The following SNTG2 variants were observed in gnomAD, a reference collection of about 807,000 sequenced individuals.
The protein encoded by SNTG2 is gamma-2-syntrophin.
Under a neutral mutation model 70.9 loss-of-function variants are expected in SNTG2, and 74 were observed. That is an observed-to-expected ratio of 1.04 (90% CI 0.86 to 1.27). The LOEUF (loss-of-function observed/expected upper bound fraction) is 1.27. Among genes scored for constraint, SNTG2 ranks in the 50% most tolerant of loss-of-function variants. The pLI is 0.00. For synonymous variants in SNTG2, 278 were observed against 273.8 expected, an observed-to-expected ratio of 1.02 and a Z score of -0.15; for missense variants, 717 against 690.7, an observed-to-expected ratio of 1.04 and a Z score of -0.43.
intron 1 of SNTG2, among the ~76,000 whole-genome samples, chr2:1,039,057 T>A (rs897128463): frequency 6.6e-6 from 1 of 152,214 alleles, no homozygotes; most frequent in African/African-American, 2.4e-5. Flanking sequence ...ACAGACTCAT[T>A]TCTGAAGGTG....
chr2:1,327,460 C>T (rs1259411117), intron 16 of SNTG2, among the ~76,000 whole-genome samples: 1 of 152,104 alleles, frequency 6.6e-6, no homozygotes, highest in Non-Finnish European at 1.5e-5. Flanking sequence ...TTACCAAAAA[C>T]TTTGAGAAGC....
chr2:1,223,409 G>A (rs1287460721), intron 9 of SNTG2, among the ~76,000 whole-genome samples: 2 of 151,786 alleles, frequency 1.3e-5, no homozygotes, highest in Non-Finnish European at 1.5e-5. Flanking sequence ...CAGTGATGGA[G>A]GGCGTCTCCC....
intron 1 of SNTG2, among the ~76,000 whole-genome samples, chr2:1,074,591 C>T (rs901748661): frequency 2.6e-4 from 39 of 152,088 alleles, no homozygotes; most frequent in African/African-American, 9.4e-4. Flanking sequence ...TTTTGTAATT[C>T]GTTGCATTTT....
At chr2:1,212,683 A>G (rs575733131) in intron 9 of SNTG2, among the ~76,000 whole-genome samples, 2 of 152,312 alleles carry the variant, frequency 1.3e-5, no homozygotes, top group East Asian at 1.9e-4. Flanking sequence ...GTTCTGAAAC[A>G]TATTTGTGCA....
chr2:1,302,396 A>G (rs1213674581), intron 14 of SNTG2, among the ~76,000 whole-genome samples: 1 of 152,282 alleles, frequency 6.6e-6, no homozygotes, highest in East Asian at 1.9e-4. Context: ...AAGGGGAGTG[A>G]GGTTTCTATA....
At chr2:1,269,856 A>C (rs147497851) in intron 14 of SNTG2, among the ~76,000 whole-genome samples, 1 of 152,302 alleles carries the variant, frequency 6.6e-6, no homozygotes, top group Non-Finnish European at 1.5e-5. Context: ...ACAAGCCGGC[A>C]CACCTGCAGA....
At chr2:1,216,958 G>C (rs1031034235) in intron 9 of SNTG2, among the ~76,000 whole-genome samples, 2 of 151,996 alleles carry the variant, frequency 1.3e-5, no homozygotes, top group African/African-American at 4.8e-5. Flanking sequence ...TGTGAAAAAG[G>C]GCCAAGCTTG....
At chr2:1,151,300 G>A (rs1456558369) in intron 6 of SNTG2, among the ~76,000 whole-genome samples, 4 of 152,280 alleles carry the variant, frequency 2.6e-5, no homozygotes, top group Admixed American at 1.3e-4. Flanking sequence ...CCCTGGTGCC[G>A]GCGGGCTGCC....
chr2:1,279,562 A>G (rs1350842664), intron 14 of SNTG2, among the ~76,000 whole-genome samples: 1 of 152,178 alleles, frequency 6.6e-6, no homozygotes, highest in Non-Finnish European at 1.5e-5. Context: ...TCTGAAGGCT[A>G]TTGCTTATAT....
intron 12 of SNTG2, among the ~76,000 whole-genome samples, chr2:1,255,927 A>ATAAAT (rs1558603134): frequency 2.7e-5 from 1 of 36,708 alleles, no homozygotes; most frequent in Admixed American, 2.8e-4. Flanking sequence ...TAAATATATA[A>ATAAAT]ATATATAAAT....
intron 1 of SNTG2, among the ~76,000 whole-genome samples, chr2:951,657 T>C (rs1345601663): frequency 6.6e-6 from 1 of 152,206 alleles, no homozygotes; most frequent in Non-Finnish European, 1.5e-5. Flanking sequence ...CTCTTCACCT[T>C]CTTATTTTTA....
chr2:1,238,511 T>C (rs866896380), intron 10 of SNTG2, among the ~76,000 whole-genome samples: 2 of 152,176 alleles, frequency 1.3e-5, no homozygotes, highest in African/African-American at 2.4e-5. Flanking sequence ...CGAAAAAGTA[T>C]TCTGTCCCCT....
intron 2 of SNTG2, among the ~76,000 whole-genome samples, chr2:1,085,661 C>T (rs571344307): frequency 2.0e-5 from 3 of 152,286 alleles, no homozygotes; most frequent in East Asian, 1.9e-4. Flanking sequence ...TCCGTGTATC[C>T]AGCAGTGCAG....
chr2:1,357,974 AC>A (rs569931321), intron 16 of SNTG2, among the ~76,000 whole-genome samples: 330 of 152,048 alleles, frequency 2.2e-3, no homozygotes, highest in African/African-American at 7.5e-3. Flanking sequence ...TATTTCTTAT[AC>A]TTTTGGACTC....
At chr2:1,289,522 A>G (rs952969123) in intron 14 of SNTG2, among the ~76,000 whole-genome samples, 2 of 152,174 alleles carry the variant, frequency 1.3e-5, no homozygotes, top group African/African-American at 4.8e-5. Flanking sequence ...GCACTTAGCA[A>G]ACACTGACAT....
At chr2:1,356,616 C>T (rs1159194927) in intron 16 of SNTG2, among the ~76,000 whole-genome samples, 5 of 152,146 alleles carry the variant, frequency 3.3e-5, no homozygotes. Flanking sequence ...TGAGATGCCT[C>T]CAACTTTGTT....
intron 7 of SNTG2, 45 bp downstream of exon 7, chr2:1,165,680 T>G (rs1168037810): frequency 6.7e-7 from 1 of 1,486,598 alleles, no homozygotes; most frequent in Non-Finnish European, 9.3e-7. Context: ...AGAAATTCCT[T>G]TCTTGCCACA....
chr2:1,034,920 C>T (rs1238988709), intron 1 of SNTG2, among the ~76,000 whole-genome samples: 2 of 152,202 alleles, frequency 1.3e-5, no homozygotes, highest in Non-Finnish European at 2.9e-5. Flanking sequence ...ATATTCTTCT[C>T]ATCACCACAT....
chr2:1,007,303 A>G (rs987381999), intron 1 of SNTG2, among the ~76,000 whole-genome samples: 13 of 152,290 alleles, frequency 8.5e-5, no homozygotes, highest in African/African-American at 2.9e-4. Context: ...ATCCTAGGCC[A>G]TCATAAATCA....
Sources: allele counts gnomAD v4.1 joint callset (sites outside exome capture counted in the v4.1 genomes callset), GRCh38; gene constraint gnomAD v4.1.1; transcripts MANE v1.5; gene names NCBI Gene and HGNC (gene_info 2026-07-23, HGNC 2026-07-21).